Variants in EIF2S3 observed in about 807,000 individuals in gnomAD.
The protein encoded by EIF2S3 is eukaryotic translation initiation factor 2 subunit 3.
EIF2S3 carries 2 observed loss-of-function variants against 31.7 expected under a neutral mutation model. The ratio of observed to expected loss-of-function variants is 0.06; its 90% CI spans 0.03 to 0.20. The LOEUF is 0.20. Ranked by LOEUF, EIF2S3 falls within the 10% of genes least tolerant of loss-of-function variation. EIF2S3 has a pLI of 1.00. For missense variants in EIF2S3, 96 were observed against 359.3 expected (o/e 0.27, Z 5.92); for synonymous variants, 120 against 126.7 (o/e 0.95, Z 0.36).
intron 10 of EIF2S3, among the ~76,000 whole-genome samples, chrX:24,072,519 G>A (rs1930687989): frequency 9.0e-6 from 1 of 111,262 alleles, no homozygotes; most frequent in African/African-American, 3.3e-5. Context: ...CTGGGCTTGA[G>A]CAATCTGCCC....
intron 8 of EIF2S3, 50 bp downstream of exon 8, chrX:24,066,142 T>C (rs1930569353): frequency 2.2e-6 from 2 of 893,212 alleles, no homozygotes; most frequent in Non-Finnish European, 3.1e-6. Flanking sequence ...TTTTTGTTGT[T>C]TGTTTGTTTG....
At chrX:24,063,429 C>G (rs1175624948) in intron 6 of EIF2S3, among the ~76,000 whole-genome samples, 1 of 111,660 alleles carries the variant, frequency 9.0e-6, no homozygotes, top group African/African-American at 3.3e-5. Context: ...TGATTAAAGT[C>G]TAATTGTGTT....
chrX:24,070,329 CAA>C (rs940247725), intron 9 of EIF2S3, among the ~76,000 whole-genome samples: 1 of 106,348 alleles, frequency 9.4e-6, no homozygotes. Flanking sequence ...ACAACAGCAG[CAA>C]AAAAAAGTTT....
At chrX:24,066,295 C>T (rs753983643) in intron 8 of EIF2S3, among the ~76,000 whole-genome samples, 40 of 109,623 alleles carry the variant, frequency 3.6e-4, no homozygotes, top group Admixed American at 6.9e-4. Flanking sequence ...CTCCTCCCAC[C>T]CTTCTAGACC....
intron 6 of EIF2S3, among the ~76,000 whole-genome samples, chrX:24,063,314 T>C (rs1032240703): frequency 8.9e-6 from 1 of 112,251 alleles, no homozygotes; most frequent in Admixed American, 9.5e-5. Flanking sequence ...TCAGAGGAGA[T>C]GTGATTTATT....
At position 24,077,596 on chromosome X, in the gene EIF2S3, A is replaced by G. The variant is rs1436286197; in HGVS notation, c.*811A>G. On this transcript the variant is annotated 3_prime_UTR_variant, in exon 12 of 12. Coordinates refer to ENST00000253039, the MANE Select transcript of EIF2S3 (RefSeq NM_001415.4). Reference sequence around the variant, plus strand: ...TATTTTATGTTGCTTTATCTTTGAAATTTTGCATGAAAAGGAAATGAATGG... The same window carrying G: ...TATTTTATGTTGCTTTATCTTTGAAGTTTTGCATGAAAAGGAAATGAATGG... 20 of 111,914 alleles carry G rather than the reference A, an allele frequency of 1.8e-4. No individual in the cohort carries two copies. Among genetic ancestry groups the G allele is most frequent in the African/African-American group, 6.5e-4 (20 of 30,777 alleles). The allele number at this position is 111,914 out of a possible 1,213,427, so 9.2% of individuals were successfully genotyped here.
intron 10 of EIF2S3, 48 bp downstream of exon 10, chrX:24,071,775 G>A (rs1346229679): frequency 1.8e-6 from 2 of 1,139,259 alleles, no homozygotes; most frequent in Admixed American, 2.3e-5. Flanking sequence ...TGACAAATGG[G>A]AGTGTTAAAC....
chrX:24,056,400 A>G (rs1930404110), intron 2 of EIF2S3, among the ~76,000 whole-genome samples: 1 of 112,077 alleles, frequency 8.9e-6, no homozygotes, highest in Admixed American at 9.6e-5. Context: ...CTAAGACTAT[A>G]CCAGTTAAAG....
intron 11 of EIF2S3, among the ~76,000 whole-genome samples, chrX:24,076,505 G>T (rs1287974074): frequency 4.5e-5 from 5 of 111,976 alleles, no homozygotes; most frequent in Non-Finnish European, 9.4e-5. Flanking sequence ...CCGCACTCCA[G>T]ACTGGGTGAC....
rs2147130789 is a variant in EIF2S3 at position 24,071,477 on chromosome X, A to G, written c.1013-81A>G. ...AGTGCTGGGATTACAGGTGTGAGCC[A>G]CTGCACCTGGCCAACTAATTCACTT... On this transcript the variant is annotated intron_variant, in intron 9 of 11. Coordinates refer to ENST00000253039, the MANE Select transcript of EIF2S3 (RefSeq NM_001415.4). 5 of 1,052,266 alleles carry G rather than the reference A, an allele frequency of 4.8e-6. No homozygotes were observed. The South Asian group carries it at 9.0e-5, about 19-fold the overall frequency. 86.7% of individuals were successfully genotyped at this position (1,052,266 alleles called of 1,213,427 possible).
intron 11 of EIF2S3, among the ~76,000 whole-genome samples, chrX:24,075,681 C>G (rs1569281036): frequency 9.0e-6 from 1 of 110,739 alleles, no homozygotes; most frequent in African/African-American, 3.3e-5. Context: ...TGTTTTGTGC[C>G]CTAACTGTCC....
At chrX:24,063,325 G>A (rs766989526) in intron 6 of EIF2S3, among the ~76,000 whole-genome samples, 1 of 112,323 alleles carries the variant, frequency 8.9e-6, no homozygotes, top group African/African-American at 3.2e-5. Context: ...GTGATTTATT[G>A]TTGACATTTT....
chrX:24,074,726 A>G (rs752654707), intron 11 of EIF2S3, among the ~76,000 whole-genome samples: 11 of 109,800 alleles, frequency 1.0e-4, no homozygotes, highest in African/African-American at 3.6e-4. Context: ...ATGGAGTCCT[A>G]TTTTATTCAA....
chrX:24,058,497 CTT>C (rs1231240046), intron 4 of EIF2S3, among the ~76,000 whole-genome samples: 3 of 104,291 alleles, frequency 2.9e-5, no homozygotes, highest in Non-Finnish European at 3.9e-5. Context: ...TTAATTTCGA[CTT>C]TTTAAAAATA....
At chrX:24,074,507 A>G (rs749928919) in intron 11 of EIF2S3, among the ~76,000 whole-genome samples, 1 of 111,626 alleles carries the variant, frequency 9.0e-6, no homozygotes, top group Non-Finnish European at 1.9e-5. Context: ...TAGCCAGTAC[A>G]AATAGCCTGC....
intron 9 of EIF2S3, among the ~76,000 whole-genome samples, chrX:24,068,543 C>T (rs964374004): frequency 1.8e-5 from 2 of 109,516 alleles, no homozygotes; most frequent in Non-Finnish European, 3.8e-5. Flanking sequence ...CTCCCAGGTT[C>T]AAGCAATTCT....
intron 4 of EIF2S3, among the ~76,000 whole-genome samples, chrX:24,059,570 G>A (rs1472845315): frequency 9.0e-6 from 1 of 110,590 alleles, no homozygotes; most frequent in Non-Finnish European, 1.9e-5. Context: ...TTACAGGCAT[G>A]CACCAGCTAC....
chrX:24,071,060 G>A (rs1930662220), intron 9 of EIF2S3, among the ~76,000 whole-genome samples: 1 of 111,509 alleles, frequency 9.0e-6, no homozygotes, highest in Admixed American at 9.6e-5. Flanking sequence ...CATCTCATGA[G>A]TGTATATTTC....
chrX:24,057,904 A>G, intron 4 of EIF2S3, 150 bp downstream of exon 4: 5 of 697,952 alleles, frequency 7.2e-6, no homozygotes, highest in Non-Finnish European at 9.9e-6. Context: ...GGAAATCTGA[A>G]AAGTCAAGCA....
Sources: allele counts gnomAD v4.1 joint callset (sites outside exome capture counted in the v4.1 genomes callset), GRCh38; gene constraint gnomAD v4.1.1; transcripts MANE v1.5; gene names NCBI Gene and HGNC (gene_info 2026-07-23, HGNC 2026-07-21).